PHLDB2: variants seen among roughly 807,000 people sequenced by gnomAD.
PHLDB2 encodes the protein pleckstrin homology-like domain family B member 2.
PHLDB2 carries 71 observed loss-of-function variants against 123.6 expected under a neutral mutation model. The ratio of observed to expected loss-of-function variants is 0.57; its 90% CI spans 0.47 to 0.70. The LOEUF (loss-of-function observed/expected upper bound fraction) is 0.70, where lower values mean the gene tolerates loss of function less well. Among genes scored for constraint, PHLDB2 ranks in the 30% least tolerant of loss-of-function variants. The pLI is 0.00. For synonymous variants in PHLDB2, 547 were observed against 541.6 expected, an observed-to-expected ratio of 1.01 and a Z score of -0.14; for missense variants, 1,446 against 1,519.5, an observed-to-expected ratio of 0.95 and a Z score of 0.80.
intron 1 of PHLDB2, among the ~76,000 whole-genome samples, chr3:111,821,121 G>T (rs186427642): frequency 6.6e-6 from 1 of 152,270 alleles, no homozygotes; most frequent in East Asian, 1.9e-4. Flanking sequence ...TGAGTATCCA[G>T]TGTAAGTCTT....
intron 1 of PHLDB2, among the ~76,000 whole-genome samples, chr3:111,823,905 G>T (rs753058245): frequency 6.6e-6 from 1 of 152,138 alleles, no homozygotes; most frequent in East Asian, 1.9e-4. Flanking sequence ...TACAGACCTA[G>T]TTTAATCCAC....
chr3:111,795,253 T>G (rs1405527367), intron 1 of PHLDB2, among the ~76,000 whole-genome samples: 1 of 152,182 alleles, frequency 6.6e-6, no homozygotes. Context: ...GAAACTGCAT[T>G]TCAGTAATGT....
chr3:111,907,758 T>C (rs1417021639), intron 2 of PHLDB2, among the ~76,000 whole-genome samples: 3 of 152,054 alleles, frequency 2.0e-5, no homozygotes, highest in Non-Finnish European at 2.9e-5. Context: ...TTCCAAAGTT[T>C]GGGGATTACA....
chr3:111,775,973 G>A (rs6790977), intron 1 of PHLDB2, among the ~76,000 whole-genome samples: 42,142 of 152,086 alleles, frequency 0.28, 7,188 homozygotes, highest in African/African-American at 0.48. Flanking sequence ...GCTTTGGAAC[G>A]TATTTAGCTC....
intron 13 of PHLDB2, among the ~76,000 whole-genome samples, chr3:111,965,100 A>T (rs188155828): frequency 2.0e-5 from 3 of 152,186 alleles, no homozygotes; most frequent in Non-Finnish European, 2.9e-5. Flanking sequence ...ATGAAGGAGA[A>T]TAAGAATTCC....
At chr3:111,955,276 A>G (rs1037193785) in intron 12 of PHLDB2, among the ~76,000 whole-genome samples, 1 of 151,712 alleles carries the variant, frequency 6.6e-6, no homozygotes, top group Non-Finnish European at 1.5e-5. Context: ...TAATATTTGA[A>G]TCAAATAAAC....
intron 9 of PHLDB2, among the ~76,000 whole-genome samples, chr3:111,947,330 CTT>C (rs1203943284): frequency 2.6e-5 from 4 of 152,190 alleles, no homozygotes; most frequent in African/African-American, 9.7e-5. Context: ...ATCTGCAACT[CTT>C]CTGCTTGTTG....
At chr3:111,927,156 A>G (rs1559907454) in intron 5 of PHLDB2, among the ~76,000 whole-genome samples, 1 of 152,174 alleles carries the variant, frequency 6.6e-6, no homozygotes, top group Non-Finnish European at 1.5e-5. Context: ...CTGCCTCCCA[A>G]ACAAAGCCAC....
chr3:111,936,431 A>T (rs2107586969), intron 6 of PHLDB2, among the ~76,000 whole-genome samples: 1 of 152,296 alleles, frequency 6.6e-6, no homozygotes, highest in Admixed American at 6.5e-5. Context: ...CTTCTTATTC[A>T]TACATAAAAT....
intron 6 of PHLDB2, 113 bp from the exon 7 acceptor site, chr3:111,939,362 A>G (rs553363498): frequency 3.4e-5 from 37 of 1,092,772 alleles, no homozygotes; most frequent in African/African-American, 1.3e-4. Context: ...ACCCTGGTCA[A>G]TATTGTAACT....
At chr3:111,843,910 A>G (rs2063810868) in intron 1 of PHLDB2, among the ~76,000 whole-genome samples, 1 of 152,214 alleles carries the variant, frequency 6.6e-6, no homozygotes, top group Non-Finnish European at 1.5e-5. Context: ...TCAATGGAAG[A>G]CTTGGCCTTG....
intron 2 of PHLDB2, among the ~76,000 whole-genome samples, chr3:111,902,449 C>T (rs1345922054): frequency 2.6e-5 from 4 of 152,002 alleles, no homozygotes; most frequent in Admixed American, 2.0e-4. Context: ...CAGTGCAAGA[C>T]GCTGTCTCAA....
intron 2 of PHLDB2, among the ~76,000 whole-genome samples, chr3:111,848,581 G>A (rs1225661827): frequency 1.3e-5 from 2 of 152,202 alleles, no homozygotes; most frequent in African/African-American, 4.8e-5. Flanking sequence ...AAGAAACAGA[G>A]GAAGAGCCAC....
intron 5 of PHLDB2, among the ~76,000 whole-genome samples, chr3:111,930,628 G>A (rs2069088114): frequency 1.3e-5 from 2 of 152,080 alleles, no homozygotes; most frequent in South Asian, 4.1e-4. Flanking sequence ...AAAAAATTCT[G>A]AAACTAAAGA....
Position 111,819,284 on chromosome 3 carries a change from C to A in PHLDB2, c.-48-26537C>A, listed in dbSNP as rs151085826. ...GGGTGGCTGTGGGGCAAAATTCAGT[C>A]CATAGCACCATCCTAGTTTACAACG... On this transcript the variant is annotated intron_variant, in intron 1 of 17. Coordinates refer to the PHLDB2 transcript ENST00000393923. Among the ~76,000 whole-genome samples, 303 of 152,196 alleles carry A rather than the reference C, an allele frequency of 2.0e-3. 1 individual carries two copies. The highest frequency in any genetic ancestry group is 6.4e-3 in the African/African-American group (265 of 41,540).
rs1235565210 is a variant in PHLDB2 at position 111,750,946 on chromosome 3, TC to T, written c.-49+18244del. 8.6e-3 allele frequency among the ~76,000 whole-genome samples: 710 copies of T among 82,704 alleles called. 4 individuals are homozygous for T. Among genetic ancestry groups the T allele is most frequent in the Admixed American group, 0.016 (134 of 8,484 alleles). The allele number at this position is 82,704 out of a possible 152,430, so 54.3% of individuals were successfully genotyped here. ...GGGCGACAGAGTGTGAAACTCTGTC[TC>T]AAAAAAAAAAAAAAAAAAATTCGCC... On this transcript the variant is annotated intron_variant, in intron 1 of 17. Transcript: ENST00000393923.
chr3:111,837,596 C>CTATA (rs60653231), intron 1 of PHLDB2, among the ~76,000 whole-genome samples: 85 of 152,272 alleles, frequency 5.6e-4, no homozygotes, highest in African/African-American at 2.0e-3. Context: ...TAAGGAGGGG[C>CTATA]TATAGAATGC....
chr3:111,950,220 G>A (rs1345789575), intron 10 of PHLDB2, among the ~76,000 whole-genome samples: 1 of 152,100 alleles, frequency 6.6e-6, no homozygotes, highest in Admixed American at 6.6e-5. Flanking sequence ...AAAATCCATA[G>A]TATAAAGAGT....
chr3:111,758,207 G>A (rs942528033), intron 1 of PHLDB2, among the ~76,000 whole-genome samples: 1 of 152,104 alleles, frequency 6.6e-6, no homozygotes, highest in African/African-American at 2.4e-5. Flanking sequence ...GCCCCTAGAG[G>A]TGGAGCCTAT....
Sources: gnomAD v4.1 joint callset for allele counts (sites outside exome capture counted in the v4.1 genomes callset) on GRCh38, gnomAD v4.1.1 for gene constraint, MANE v1.5 for transcripts, NCBI Gene and HGNC (gene_info 2026-07-23, HGNC 2026-07-21) for gene names.